ANKRD62: variants seen among roughly 807,000 people sequenced by gnomAD.
ANKRD62 encodes ankyrin repeat domain 62, also known as ankyrin repeat domain-containing protein 62.
ANKRD62 carries 61 observed loss-of-function variants against 98.8 expected under a neutral mutation model. The observed-to-expected ratio is 0.62, with a 90% CI of 0.50 to 0.76. ANKRD62 has a LOEUF of 0.76. Among genes scored for constraint, ANKRD62 ranks in the 30% least tolerant of loss-of-function variants. The probability of loss-of-function intolerance (pLI) is 0.00; values close to 1 mark genes in which losing one functional copy is unlikely to be tolerated. For synonymous variants in ANKRD62, 341 were observed against 367.9 expected (o/e 0.93, Z 0.84); for missense variants, 933 against 1,082.9 (o/e 0.86, Z 1.94).
chr18:12,123,129 G>T (rs1909816756), intron 11 of ANKRD62, among the ~76,000 whole-genome samples: 1 of 152,018 alleles, frequency 6.6e-6, no homozygotes, highest in Non-Finnish European at 1.5e-5. Context: ...GCTCACTGCA[G>T]CCTCTGCTTC....
chr18:12,150,830 G>A, the ANKRD62 span, among the ~76,000 whole-genome samples: 1 of 152,248 alleles, frequency 6.6e-6, no homozygotes, highest in South Asian at 2.1e-4. Context: ...ACCACCACCA[G>A]CTAGTACAAA....
chr18:12,139,420 G>A, the ANKRD62 span, among the ~76,000 whole-genome samples: 13 of 152,142 alleles, frequency 8.5e-5, no homozygotes, highest in African/African-American at 1.7e-4. Context: ...TGAGGAGGGC[G>A]GATCACGAGG....
chr18:12,125,228 C>CT (rs902046668), intron 12 of ANKRD62, among the ~76,000 whole-genome samples: 20 of 150,266 alleles, frequency 1.3e-4, no homozygotes, highest in African/African-American at 2.4e-4. Context: ...CTAGTGGTTT[C>CT]TTTTTTTTTG....
intron 8 of ANKRD62, among the ~76,000 whole-genome samples, chr18:12,114,817 CTG>C (rs1909625709): frequency 1.3e-5 from 2 of 151,038 alleles, no homozygotes; most frequent in Non-Finnish European, 3.0e-5. Context: ...GTTTTTTTTT[CTG>C]TCTTTGATGA....
the ANKRD62 span, among the ~76,000 whole-genome samples, chr18:12,171,575 T>C: frequency 6.6e-6 from 1 of 152,214 alleles, no homozygotes; most frequent in Non-Finnish European, 1.5e-5. Context: ...CTCAGCCTTT[T>C]TTCCTTCATT....
downstream of ANKRD62, among the ~76,000 whole-genome samples, chr18:12,133,088 T>C (rs1358748081): frequency 6.6e-6 from 1 of 152,174 alleles, no homozygotes; most frequent in African/African-American, 2.4e-5. Flanking sequence ...ATCCTTCTCT[T>C]CATCCCTAGT....
Position 12,097,779 on chromosome 18 carries a change from TAAGTGTTA to T in ANKRD62, c.752+5_752+12del. ...CGCTGTTGCTTCTAAGTTTCAAGCGTAAGTGTTAAAAAGGCTAGTGAACACTAAATTGA... is the reference window on the plus strand; with the variant it reads ...CGCTGTTGCTTCTAAGTTTCAAGCGTAAAAGGCTAGTGAACACTAAATTGA... On this transcript the variant is annotated splice_donor_5th_base_variant and intron_variant, in intron 5 of 13. Coordinates refer to ENST00000587848, the MANE Select transcript of ANKRD62 (RefSeq NM_001277333.2). The T allele has an allele frequency of 6.5e-7, 1 of 1,535,888 alleles. No individual in the cohort carries two copies. Among genetic ancestry groups the T allele is most frequent in the Non-Finnish European group, 8.7e-7 (1 of 1,146,236 alleles).
chr18:12,155,733 G>C, the ANKRD62 span, among the ~76,000 whole-genome samples: 1 of 152,056 alleles, frequency 6.6e-6, no homozygotes, highest in Admixed American at 6.5e-5. Flanking sequence ...TCTACCTAAT[G>C]TCTTTAGGTG....
At position 12,096,209 on chromosome 18, in the gene ANKRD62, CACT is replaced by C. The variant is rs1266073860; in HGVS notation, c.522_524del (p.Leu177del). On this transcript the variant is annotated inframe_deletion, in exon 4 of 14. Transcript: ENST00000587848. Reference sequence around the variant, plus strand: ...GCTGTTTTGCAGGATGGACATACATCACTTTTACTCGCTGTAAATAGGAAAAAA... The same window carrying C: ...GCTGTTTTGCAGGATGGACATACATCTTTACTCGCTGTAAATAGGAAAAAA... 1 of 1,531,102 alleles carries C rather than the reference CACT, an allele frequency of 6.5e-7. No homozygotes were observed. Among genetic ancestry groups the C allele is most frequent in the Non-Finnish European group, 8.7e-7 (1 of 1,143,304 alleles). 94.8% of individuals were successfully genotyped at this position (1,531,102 alleles called of 1,614,324 possible). A position where few individuals can be genotyped will look rare whatever the true frequency, so the allele number is the denominator to read the frequency against.
rs1357515669 is a variant in ANKRD62 at position 12,129,310 on chromosome 18, G to A, written c.*1371G>A. ...ATAGGCAGTAAACTTTTCTGTAAAG[G>A]GCCAAGTAGTATTATTTGAGACTTT... is the stretch of plus-strand genomic sequence containing the variant. On this transcript the variant is annotated 3_prime_UTR_variant, in exon 14 of 14. Coordinates refer to ENST00000587848, the MANE Select transcript of ANKRD62 (RefSeq NM_001277333.2). 1 of 152,034 alleles carries A rather than the reference G, an allele frequency of 6.6e-6. No homozygotes were observed. 9.4% of individuals were successfully genotyped at this position (152,034 alleles called of 1,614,324 possible). A position where few individuals can be genotyped will look rare whatever the true frequency, so the allele number is the denominator to read the frequency against.
intron 5 of ANKRD62, among the ~76,000 whole-genome samples, chr18:12,099,277 A>G (rs761890343): frequency 1.3e-5 from 2 of 152,214 alleles, no homozygotes; most frequent in South Asian, 2.1e-4. Flanking sequence ...AACCTAGTGA[A>G]TAAGGTAGTA....
At chr18:12,139,450 C>G in the ANKRD62 span, among the ~76,000 whole-genome samples, 1 of 151,998 alleles carries the variant, frequency 6.6e-6, no homozygotes, top group African/African-American at 2.4e-5. Flanking sequence ...CGAGACCATC[C>G]TGGCTAACAT....
chr18:12,169,959 T>C, the ANKRD62 span, among the ~76,000 whole-genome samples: 2 of 152,230 alleles, frequency 1.3e-5, no homozygotes, highest in Non-Finnish European at 2.9e-5. Flanking sequence ...TGTATTTCTG[T>C]GGGATCAGTG....
chr18:12,132,468 C>T (rs1057384768), downstream of ANKRD62, among the ~76,000 whole-genome samples: 43 of 152,110 alleles, frequency 2.8e-4, no homozygotes, highest in African/African-American at 1.0e-3. Flanking sequence ...TTCCTTCCTT[C>T]TCCCAACTCC....
the ANKRD62 span, among the ~76,000 whole-genome samples, chr18:12,174,893 A>G: frequency 6.6e-6 from 1 of 152,262 alleles, no homozygotes; most frequent in Non-Finnish European, 1.5e-5. Context: ...TGCTTGCAGA[A>G]CGTTGGTCAC....
At chr18:12,096,733 T>C (rs1909190897) in intron 4 of ANKRD62, among the ~76,000 whole-genome samples, 1 of 152,210 alleles carries the variant, frequency 6.6e-6, no homozygotes, top group Non-Finnish European at 1.5e-5. Flanking sequence ...TAAATTAGAG[T>C]TGAAAATCAT....
At chr18:12,149,988 G>A in the ANKRD62 span, among the ~76,000 whole-genome samples, 4 of 152,178 alleles carry the variant, frequency 2.6e-5, no homozygotes, top group African/African-American at 9.7e-5. Context: ...GCAGGAATGA[G>A]GACCGTTGAG....
At chr18:12,095,359 T>C (rs574332838) in intron 2 of ANKRD62, 74 bp downstream of exon 2, 7 of 1,532,722 alleles carry the variant, frequency 4.6e-6, no homozygotes, top group Non-Finnish European at 6.1e-6. Flanking sequence ...ATTCACCTCA[T>C]TGAAATGTGA....
chr18:12,134,963 A>G, the ANKRD62 span, among the ~76,000 whole-genome samples: 7 of 151,998 alleles, frequency 4.6e-5, no homozygotes, highest in African/African-American at 1.7e-4. Flanking sequence ...CTTCCACAAT[A>G]GTTAAACTAA....
Sources: allele counts gnomAD v4.1 joint callset (sites outside exome capture counted in the v4.1 genomes callset), GRCh38; gene constraint gnomAD v4.1.1; transcripts MANE v1.5; gene names NCBI Gene and HGNC (gene_info 2026-07-23, HGNC 2026-07-21).